The following ZNF569 variants were observed in gnomAD, a reference collection of about 807,000 sequenced individuals.
ZNF569 encodes DNA-binding protein.
In ZNF569, 38 loss-of-function variants were observed where a neutral mutation model predicts 56.3. The ratio of observed to expected loss-of-function variants is 0.68; its 90% CI spans 0.52 to 0.88. The LOEUF (loss-of-function observed/expected upper bound fraction) is 0.88, where lower values mean the gene tolerates loss of function less well. ZNF569 is among the 40% of genes least tolerant of loss of function. The probability of loss-of-function intolerance (pLI) is 0.00; values close to 1 mark genes in which losing one functional copy is unlikely to be tolerated. For missense variants in ZNF569, 666 were observed against 809.2 expected (o/e 0.82, Z 2.15); for synonymous variants, 241 against 262.9 (o/e 0.92, Z 0.81).
In ZNF569 at chr19:37,414,207, C is replaced by A. The variant is rs1393646116; in HGVS notation, c.451G>T (p.Asp151Tyr). 1.2e-6 allele frequency: 2 copies of A among 1,612,722 alleles called. No individual in the cohort carries two copies. Among genetic ancestry groups the A allele is most frequent in the East Asian group, 4.5e-5 (2 of 44,822 alleles). ...LFGKCLEHNF[D>Y]CHNNVKCLMR... ...AGGCATTTCACATTATTATGACAGT[C>A]AAAATTATGTTCTAAACACTTTCCA... The change falls in exon 6 of 6, where the codon GAC becomes TAC. Residue 151 changes from aspartate to tyrosine, a missense_variant. Physicochemically the swap from Asp to Tyr is radical, Grantham distance 160 (BLOSUM62 -3). Coordinates refer to ENST00000316950, the MANE Select transcript of ZNF569 (RefSeq NM_152484.3).
chr19:37,442,878 G>A (rs7252099), intron 3 of ZNF569, among the ~76,000 whole-genome samples: 31,863 of 152,056 alleles, frequency 0.21, 3,579 homozygotes, highest in South Asian at 0.32. Flanking sequence ...GGTGATAAAA[G>A]TTGAACACTC....
chr19:37,418,037 G>C (rs2040963784), intron 5 of ZNF569, among the ~76,000 whole-genome samples: 1 of 151,792 alleles, frequency 6.6e-6, no homozygotes, highest in Non-Finnish European at 1.5e-5. Context: ...GGAGGCGGAG[G>C]TTGCAGTGAG....
intron 3 of ZNF569, among the ~76,000 whole-genome samples, chr19:37,434,917 CTT>C (rs1304012349): frequency 1.3e-5 from 2 of 152,212 alleles, no homozygotes; most frequent in Admixed American, 6.5e-5. Context: ...TTTGCTGACT[CTT>C]TTTGGACTCA....
chr19:37,448,775 G>A (rs2041543294), intron 2 of ZNF569, among the ~76,000 whole-genome samples: 1 of 151,806 alleles, frequency 6.6e-6, no homozygotes, highest in Non-Finnish European at 1.5e-5. Flanking sequence ...GTGTTAGCCA[G>A]GATGGTCTCG....
At chr19:37,460,134 G>C (rs1224761182) in intron 2 of ZNF569, among the ~76,000 whole-genome samples, 1 of 152,228 alleles carries the variant, frequency 6.6e-6, no homozygotes, top group East Asian at 1.9e-4. Context: ...GAAGATGGTA[G>C]TGTTTTTTTG....
Position 37,414,184 on chromosome 19 carries a change from G to A in ZNF569, c.474C>T (p.Cys158=), listed in dbSNP as rs771647457. Residue 158 remains cysteine, a synonymous_variant, in exon 6 of 6, where the codon TGC becomes TGT. Coordinates refer to ENST00000316950, the MANE Select transcript of ZNF569 (RefSeq NM_152484.3). ...ATTCACAATGCTCCTTTCTCATAAGGCATTTCACATTATTATGACAGTCAA... is the reference window on the plus strand; with the variant it reads ...ATTCACAATGCTCCTTTCTCATAAGACATTTCACATTATTATGACAGTCAA... The part of the protein sequence containing the change: ...HNFDCHNNVK[C]LMRKEHCEYN... 24 of 1,613,044 alleles carry A rather than the reference G, an allele frequency of 1.5e-5. No homozygotes were observed. The East Asian group carries it at 4.5e-4, about 30-fold the overall frequency.
intron 2 of ZNF569, among the ~76,000 whole-genome samples, chr19:37,448,640 C>T (rs990938342): frequency 6.7e-6 from 1 of 149,732 alleles, no homozygotes; most frequent in Non-Finnish European, 1.5e-5. Context: ...CTCAGCTCAC[C>T]GCAAGCTCCG....
chr19:37,414,168 GCTC>G lies in ZNF569; in HGVS notation c.487_489del (p.Glu163del), dbSNP rs1414648818. On this transcript the variant is annotated inframe_deletion, in exon 6 of 6. Coordinates refer to ENST00000316950, the MANE Select transcript of ZNF569 (RefSeq NM_152484.3). ...TTCACAGGTTCATTATATTCACAAT[GCTC>G]CTTTCTCATAAGGCATTTCACATTA... The G allele has an allele frequency of 6.2e-7, 1 of 1,613,116 alleles. No homozygotes were observed. The highest frequency in any genetic ancestry group is 1.3e-5 in the African/African-American group (1 of 74,856).
intron 5 of ZNF569, among the ~76,000 whole-genome samples, chr19:37,420,047 C>T (rs1048242663): frequency 7.1e-6 from 1 of 141,636 alleles, no homozygotes; most frequent in South Asian, 2.3e-4. Context: ...AGTGCAGTGG[C>T]TCGATCTCTG....
Position 37,412,587 on chromosome 19 carries a change from C to T in ZNF569, c.*10G>A, listed in dbSNP as rs759573537. On this transcript the variant is annotated 3_prime_UTR_variant, in exon 6 of 6. Coordinates refer to ENST00000316950, the MANE Select transcript of ZNF569 (RefSeq NM_152484.3). ...ATGGCCTTGCCATATTCACAATATTCATAGGGTTTCTAATGAGTATGAATT... is the reference window on the plus strand; with the variant it reads ...ATGGCCTTGCCATATTCACAATATTTATAGGGTTTCTAATGAGTATGAATT... 6.4e-7 allele frequency: 1 copy of T among 1,571,084 alleles called. No homozygotes were observed. The highest frequency in any genetic ancestry group is 2.2e-5 in the East Asian group (1 of 44,576).
chr19:37,421,743 CTTTTTTTTTTT>C (rs748058159), intron 5 of ZNF569, among the ~76,000 whole-genome samples: 1 of 79,664 alleles, frequency 1.3e-5, no homozygotes. Context: ...TGTAGTGGCA[CTTTTTTTTTTT>C]TTTTTTTTTT....
At chr19:37,434,228 A>G (rs1475482767) in intron 3 of ZNF569, among the ~76,000 whole-genome samples, 1 of 148,936 alleles carries the variant, frequency 6.7e-6, no homozygotes, top group Non-Finnish European at 1.5e-5. Context: ...TGAACCCGGG[A>G]GGCAGAGGTT....
intron 5 of ZNF569, among the ~76,000 whole-genome samples, chr19:37,416,668 T>A (rs1227796033): frequency 2.6e-5 from 4 of 152,234 alleles, no homozygotes; most frequent in Non-Finnish European, 5.9e-5. Context: ...GTTGTATTGT[T>A]ATTTTTTGTT....
chr19:37,421,267 A>T (rs1468278957), intron 5 of ZNF569, among the ~76,000 whole-genome samples: 2 of 152,158 alleles, frequency 1.3e-5, no homozygotes, highest in Admixed American at 1.3e-4. Flanking sequence ...CCATAACAGG[A>T]GGGTCAGTCT....
chr19:37,413,278 A>G lies in ZNF569; in HGVS notation c.1380T>C (p.His460=), dbSNP rs777627456. Residue 460 remains histidine, a synonymous_variant, in exon 6 of 6, where the codon CAT becomes CAC. Coordinates refer to ENST00000316950, the MANE Select transcript of ZNF569 (RefSeq NM_152484.3). ...MSNLVRHQRI[H]TGEKPYICKE... ...TACATATATAGGGTTTTTCCCCAGT[A>G]TGAATTCTCTGGTGTCTAACAAGAT... 1.2e-6 allele frequency: 2 copies of G among 1,611,084 alleles called. No homozygotes were observed. The highest frequency in any genetic ancestry group is 2.7e-5 in the African/African-American group (2 of 74,656).
chr19:37,456,091 A>G (rs2041665923), intron 2 of ZNF569, among the ~76,000 whole-genome samples: 1 of 152,240 alleles, frequency 6.6e-6, no homozygotes, highest in Admixed American at 6.5e-5. Context: ...AGAAATTTAA[A>G]GCAATGTGAC....
At chr19:37,459,963 G>C (rs1031669707) in intron 2 of ZNF569, among the ~76,000 whole-genome samples, 1 of 152,052 alleles carries the variant, frequency 6.6e-6, no homozygotes, top group African/African-American at 2.4e-5. Context: ...AAATGATAAA[G>C]TAAACAGGAG....
intron 5 of ZNF569, among the ~76,000 whole-genome samples, chr19:37,416,834 T>G (rs1200865182): frequency 3.9e-5 from 6 of 152,044 alleles, no homozygotes; most frequent in African/African-American, 1.4e-4. Context: ...AAAAACCATA[T>G]GAAGAAAAGT....
intron 3 of ZNF569, among the ~76,000 whole-genome samples, chr19:37,442,100 C>T (rs533471942): frequency 6.6e-6 from 1 of 152,206 alleles, no homozygotes; most frequent in East Asian, 1.9e-4. Flanking sequence ...CACTCTGGGC[C>T]TCTTGGAGCT....
Sources: gnomAD v4.1 joint callset for allele counts (sites outside exome capture counted in the v4.1 genomes callset) on GRCh38, gnomAD v4.1.1 for gene constraint, MANE v1.5 for transcripts, NCBI Gene and HGNC (gene_info 2026-07-23, HGNC 2026-07-21) for gene names.